The following KSR2 variants were observed in gnomAD, a reference collection of about 807,000 sequenced individuals.
The protein encoded by KSR2 is kinase suppressor of ras 2.
In KSR2, 25 loss-of-function variants were observed where a neutral mutation model predicts 107.8. The ratio of observed to expected loss-of-function variants is 0.23; its 90% CI spans 0.17 to 0.32. The LOEUF (loss-of-function observed/expected upper bound fraction) is 0.32, where lower values mean the gene tolerates loss of function less well. Among genes scored for constraint, KSR2 ranks in the 10% least tolerant of loss-of-function variants. KSR2 has a pLI of 1.00. For synonymous variants in KSR2, 480 were observed against 507.0 expected (o/e 0.95, Z 0.71); for missense variants, 887 against 1,268.9 (o/e 0.70, Z 4.57).
chr12:117,921,250 A>C (rs1394760299), intron 1 of KSR2, among the ~76,000 whole-genome samples: 4 of 152,216 alleles, frequency 2.6e-5, no homozygotes, highest in Non-Finnish European at 5.9e-5. Context: ...CATGGCAGGC[A>C]CATTAAATAT....
At chr12:117,812,080 G>A (rs773658035) in intron 3 of KSR2, among the ~76,000 whole-genome samples, 1 of 152,198 alleles carries the variant, frequency 6.6e-6, no homozygotes, top group Non-Finnish European at 1.5e-5. Context: ...AATGTGAGAA[G>A]ATTCTTGTTG....
intron 1 of KSR2, among the ~76,000 whole-genome samples, chr12:117,927,674 C>T (rs900154543): frequency 4.0e-5 from 6 of 151,746 alleles, no homozygotes; most frequent in Non-Finnish European, 8.8e-5. Context: ...ACCTGGGCGA[C>T]AGAGCAAGAC....
At chr12:117,783,608 A>G (rs1889959437) in intron 3 of KSR2, among the ~76,000 whole-genome samples, 1 of 152,224 alleles carries the variant, frequency 6.6e-6, no homozygotes, top group African/African-American at 2.4e-5. Context: ...GAGGATTCCT[A>G]CAAGTCAATG....
At chr12:117,525,333 T>TC in intron 13 of KSR2, 114 bp from the exon 14 acceptor site, 1 of 1,223,140 alleles carries the variant, frequency 8.2e-7, no homozygotes, top group Non-Finnish European at 1.1e-6. Context: ...TCTACATGCA[T>TC]TTGGAGCTTG....
chr12:117,606,751 C>T (rs1242341042), intron 5 of KSR2, among the ~76,000 whole-genome samples: 2 of 146,528 alleles, frequency 1.4e-5, no homozygotes, highest in East Asian at 2.1e-4. Context: ...TTACTCTCTC[C>T]TTCCCTTACC....
chr12:117,528,133 G>T, intron 12 of KSR2, among the ~76,000 whole-genome samples: 1 of 152,242 alleles, frequency 6.6e-6, no homozygotes, highest in South Asian at 2.1e-4. Flanking sequence ...GGGTTGTCTT[G>T]TGTGCATGTG....
intron 3 of KSR2, among the ~76,000 whole-genome samples, chr12:117,816,445 C>T (rs1489020306): frequency 2.6e-5 from 4 of 152,132 alleles, no homozygotes. Context: ...GATTCCACAG[C>T]ATAAGAAAAA....
In KSR2 at chr12:117,606,386, TTCCTCCCTCCCTCCTC is replaced by T. The variant is rs1263628452; in HGVS notation, c.1172-24043_1172-24028del. Among the ~76,000 whole-genome samples, 33 of 69,964 alleles carry T rather than the reference TTCCTCCCTCCCTCCTC, an allele frequency of 4.7e-4. 2 individuals are homozygous for T. The highest frequency in any genetic ancestry group is 1.7e-3 in the African/African-American group (30 of 17,364). The allele number at this position is 69,964 out of a possible 152,430, so 45.9% of individuals were successfully genotyped here. On this transcript the variant is annotated intron_variant, in intron 5 of 19. Transcript: ENST00000339824. ...CCTCCTTCCTCCCTCCCTCCCCTCC[TTCCTCCCTCCCTCCTC>T]TCCTTCCTCCCTCCCTCCCCTCCTT... is the stretch of plus-strand genomic sequence containing the variant.
chr12:117,596,317 C>A (rs1880643976), intron 5 of KSR2, among the ~76,000 whole-genome samples: 1 of 152,066 alleles, frequency 6.6e-6, no homozygotes, highest in Non-Finnish European at 1.5e-5. Context: ...GAATGATCTG[C>A]CCCCATGATT....
intron 5 of KSR2, among the ~76,000 whole-genome samples, chr12:117,661,263 ACC>A (rs1019025751): frequency 8.9e-6 from 1 of 112,532 alleles, no homozygotes; most frequent in African/African-American, 2.5e-5. Flanking sequence ...TCGATCCTGT[ACC>A]AGAAAAAAAA....
At chr12:117,470,907 A>G (rs1871411707) in intron 18 of KSR2, among the ~76,000 whole-genome samples, 5 of 152,206 alleles carry the variant, frequency 3.3e-5, no homozygotes, top group Admixed American at 3.3e-4. Context: ...AAAATACCAG[A>G]AAAAGAGAGA....
At position 117,787,822 on chromosome 12, in the gene KSR2, G is replaced by A. The variant is rs567039144; in HGVS notation, c.473-26298C>T. ...TCCCCCAGATCTTTATTAACAGGATGAACTGCCATCTGTCTCAGATAGATG... is the reference window on the plus strand; with the variant it reads ...TCCCCCAGATCTTTATTAACAGGATAAACTGCCATCTGTCTCAGATAGATG... On this transcript the variant is annotated intron_variant, in intron 3 of 19. Transcript: ENST00000339824. Among the ~76,000 whole-genome samples the A allele has an allele frequency of 7.2e-5, 11 of 152,238 alleles. 1 individual carries two copies. In the South Asian group the frequency reaches 2.1e-3, roughly 29 times the overall value.
intron 5 of KSR2, among the ~76,000 whole-genome samples, chr12:117,608,215 G>T (rs541584578): frequency 6.6e-6 from 1 of 152,328 alleles, no homozygotes; most frequent in African/African-American, 2.4e-5. Context: ...GTGTCTAATG[G>T]TGTCCAATAA....
chr12:117,481,432 C>CCTCT (rs767016474), intron 16 of KSR2, among the ~76,000 whole-genome samples: 32 of 151,722 alleles, frequency 2.1e-4, no homozygotes, highest in Non-Finnish European at 4.0e-4. Flanking sequence ...ACATCAGAGA[C>CCTCT]CTCTCTCTCT....
chr12:117,918,376 T>C (rs1895244101), intron 1 of KSR2, among the ~76,000 whole-genome samples: 1 of 152,240 alleles, frequency 6.6e-6, no homozygotes, highest in Non-Finnish European at 1.5e-5. Flanking sequence ...CCAGTCTTGA[T>C]AGCCAACTTC....
chr12:117,651,567 T>C (rs1305067332), intron 5 of KSR2, among the ~76,000 whole-genome samples: 1 of 152,154 alleles, frequency 6.6e-6, no homozygotes, highest in African/African-American at 2.4e-5. Context: ...TAATGTTGCA[T>C]ATTGGGGAGT....
At chr12:117,619,363 C>G (rs989413999) in intron 5 of KSR2, among the ~76,000 whole-genome samples, 1 of 151,986 alleles carries the variant, frequency 6.6e-6, no homozygotes, top group African/African-American at 2.4e-5. Context: ...CCTCCCCTCT[C>G]CCTCCACCCC....
intron 3 of KSR2, among the ~76,000 whole-genome samples, chr12:117,832,208 C>CAGG (rs1234522754): frequency 1.3e-5 from 2 of 152,152 alleles, no homozygotes; most frequent in Non-Finnish European, 2.9e-5. Flanking sequence ...CACTTGAATC[C>CAGG]AGGAGGCGGA....
intron 4 of KSR2, among the ~76,000 whole-genome samples, chr12:117,720,686 T>C (rs544253606): frequency 6.6e-6 from 1 of 152,338 alleles, no homozygotes; most frequent in South Asian, 2.1e-4. Flanking sequence ...GAACGTCTAA[T>C]CATACATCAC....
Sources: allele counts gnomAD v4.1 joint callset (sites outside exome capture counted in the v4.1 genomes callset), GRCh38; gene constraint gnomAD v4.1.1; transcripts MANE v1.5; gene names NCBI Gene and HGNC (gene_info 2026-07-23, HGNC 2026-07-21).